DGKI: variants seen among roughly 807,000 people sequenced by gnomAD.
DGKI encodes the protein DAG kinase iota.
In DGKI, 55 loss-of-function variants were observed where a neutral mutation model predicts 147.5. The observed-to-expected ratio is 0.37, with a 90% CI of 0.30 to 0.47. DGKI has a LOEUF of 0.47. DGKI is among the 20% of genes least tolerant of loss of function. DGKI has a pLI of 1.00. For synonymous variants in DGKI, 469 were observed against 477.1 expected (o/e 0.98, Z 0.22); for missense variants, 1,007 against 1,323.8 (o/e 0.76, Z 3.71).
intron 1 of DGKI, among the ~76,000 whole-genome samples, chr7:137,822,857 G>A (rs1428306546): frequency 6.6e-6 from 1 of 151,546 alleles, no homozygotes; most frequent in Non-Finnish European, 1.5e-5. Flanking sequence ...TAAAAAGTAT[G>A]ATCACAAAAA....
rs183919032 is a variant in DGKI at position 137,631,100 on chromosome 7, C to G, written c.805-7546G>C. Among the ~76,000 whole-genome samples the G allele has an allele frequency of 9.5e-4, 144 of 152,220 alleles. 1 individual carries two copies. The highest frequency in any genetic ancestry group is 3.1e-3 in the African/African-American group (127 of 41,532). On this transcript the variant is annotated intron_variant, in intron 6 of 32. Transcript: ENST00000614521. ...TAAGCCACCTAACATATAATCTTGC[C>G]GATGGTGTGACATTACAGGAAATAA...
intron 19 of DGKI, among the ~76,000 whole-genome samples, chr7:137,554,005 G>A (rs1007917808): frequency 6.6e-6 from 1 of 152,164 alleles, no homozygotes. Flanking sequence ...ATACACAGTA[G>A]TCTAGACCAC....
At chr7:137,744,310 G>A (rs747736875) in intron 1 of DGKI, among the ~76,000 whole-genome samples, 4 of 151,938 alleles carry the variant, frequency 2.6e-5, no homozygotes, top group Non-Finnish European at 4.4e-5. Flanking sequence ...ATTCCTAAAA[G>A]CACACAACCT....
intron 1 of DGKI, among the ~76,000 whole-genome samples, chr7:137,695,091 A>G (rs57866951): frequency 0.017 from 2,542 of 152,322 alleles, 69 homozygotes; most frequent in African/African-American, 0.057. Flanking sequence ...ATATACAACT[A>G]TTATTCTACG....
chr7:137,500,972 A>G (rs898181213), intron 21 of DGKI, among the ~76,000 whole-genome samples: 1 of 152,098 alleles, frequency 6.6e-6, no homozygotes, highest in African/African-American at 2.4e-5. Context: ...TATTTATTCT[A>G]TCTACCTGTA....
At chr7:137,655,485 A>G (rs938480670) in intron 4 of DGKI, among the ~76,000 whole-genome samples, 1 of 152,150 alleles carries the variant, frequency 6.6e-6, no homozygotes, top group African/African-American at 2.4e-5. Flanking sequence ...GGCATGAGCC[A>G]CCACACCCAG....
At chr7:137,593,907 C>G (rs1819701668) in intron 12 of DGKI, among the ~76,000 whole-genome samples, 1 of 152,200 alleles carries the variant, frequency 6.6e-6, no homozygotes, top group South Asian at 2.1e-4. Flanking sequence ...CCTTAGAGAT[C>G]TGAATGCATT....
At chr7:137,590,396 A>G (rs1342689854) in intron 12 of DGKI, among the ~76,000 whole-genome samples, 1 of 152,206 alleles carries the variant, frequency 6.6e-6, no homozygotes, top group East Asian at 1.9e-4. Flanking sequence ...CCATCTCCCC[A>G]GGGTGGAGCC....
intron 1 of DGKI, among the ~76,000 whole-genome samples, chr7:137,694,214 A>G (rs183076080): frequency 3.2e-4 from 49 of 151,970 alleles, no homozygotes; most frequent in Non-Finnish European, 6.5e-4. Context: ...CCAGCTACTT[A>G]GGAGGCTGAG....
intron 19 of DGKI, among the ~76,000 whole-genome samples, chr7:137,564,679 T>C (rs1474155070): frequency 1.3e-5 from 2 of 152,260 alleles, no homozygotes; most frequent in African/African-American, 4.8e-5. Context: ...GTATAAAACA[T>C]ATATAATTCC....
chr7:137,713,579 G>A (rs540081706), intron 1 of DGKI, among the ~76,000 whole-genome samples: 1 of 152,234 alleles, frequency 6.6e-6, no homozygotes, highest in South Asian at 2.1e-4. Flanking sequence ...TTTAATTACT[G>A]TTAGGATAAT....
intron 12 of DGKI, among the ~76,000 whole-genome samples, chr7:137,596,004 A>G (rs1819781058): frequency 9.3e-6 from 1 of 106,988 alleles, no homozygotes; most frequent in Non-Finnish European, 1.7e-5. Flanking sequence ...TCCGTCTCAA[A>G]AAAAAAAAAA....
intron 1 of DGKI, among the ~76,000 whole-genome samples, chr7:137,736,676 G>A (rs1286739973): frequency 6.6e-6 from 1 of 152,046 alleles, no homozygotes; most frequent in Non-Finnish European, 1.5e-5. Context: ...AAAGTAACGG[G>A]AACTTGAAAT....
chr7:137,564,891 G>A (rs1818531899), intron 19 of DGKI, among the ~76,000 whole-genome samples: 1 of 152,188 alleles, frequency 6.6e-6, no homozygotes, highest in Non-Finnish European at 1.5e-5. Flanking sequence ...CGCCTTGCGG[G>A]GCTCCTACCG....
At chr7:137,685,955 C>T (rs926405685) in intron 2 of DGKI, among the ~76,000 whole-genome samples, 2 of 152,136 alleles carry the variant, frequency 1.3e-5, no homozygotes, top group East Asian at 3.9e-4. Context: ...AGCGAAATAT[C>T]CCCTTCTCAC....
intron 29 of DGKI, among the ~76,000 whole-genome samples, chr7:137,411,424 C>CTTCCATGA (rs922239408): frequency 4.7e-4 from 72 of 152,314 alleles, no homozygotes; most frequent in African/African-American, 1.7e-3. Flanking sequence ...TTTAGAGCCC[C>CTTCCATGA]TTCCATGAAA....
intron 19 of DGKI, among the ~76,000 whole-genome samples, chr7:137,569,504 G>A (rs1818710370): frequency 6.6e-6 from 1 of 151,776 alleles, no homozygotes; most frequent in Non-Finnish European, 1.5e-5. Context: ...TGAGGTGGGT[G>A]GACCACGAGG....
At chr7:137,767,544 G>A (rs911956356) in intron 1 of DGKI, among the ~76,000 whole-genome samples, 5 of 105,814 alleles carry the variant, frequency 4.7e-5, no homozygotes, top group African/African-American at 1.6e-4. Flanking sequence ...AGAGTAGGAG[G>A]AAGAGGAAGA....
intron 6 of DGKI, among the ~76,000 whole-genome samples, chr7:137,637,955 G>A (rs574885123): frequency 1.2e-4 from 18 of 152,150 alleles, no homozygotes; most frequent in Non-Finnish European, 1.9e-4. Context: ...AATGATTTCC[G>A]TCATAAGCGG....
Sources: allele counts gnomAD v4.1 joint callset (sites outside exome capture counted in the v4.1 genomes callset), GRCh38; gene constraint gnomAD v4.1.1; transcripts MANE v1.5; gene names NCBI Gene and HGNC (gene_info 2026-07-23, HGNC 2026-07-21).